The following RNF121 variants were observed in gnomAD, a reference collection of about 807,000 sequenced individuals.
RNF121 encodes the protein E3 ubiquitin ligase RNF121.
Under a neutral mutation model 46.5 loss-of-function variants are expected in RNF121, and 21 were observed. That is an observed-to-expected ratio of 0.45 (90% CI 0.32 to 0.65). The LOEUF is 0.65. RNF121 is among the 30% of genes least tolerant of loss of function. The probability of loss-of-function intolerance (pLI) is 0.04; values close to 1 mark genes in which losing one functional copy is unlikely to be tolerated. For missense variants in RNF121, 346 were observed against 416.0 expected (o/e 0.83, Z 1.46); for synonymous variants, 139 against 144.7 (o/e 0.96, Z 0.28).
intron 3 of RNF121, among the ~76,000 whole-genome samples, chr11:71,963,093 A>G (rs183099854): frequency 1.1e-4 from 16 of 152,318 alleles, no homozygotes; most frequent in Admixed American, 5.2e-4. Flanking sequence ...AGTACTTTAT[A>G]TAATCTGGAT....
At chr11:71,949,078 A>G (rs549389532) in intron 1 of RNF121, among the ~76,000 whole-genome samples, 2 of 152,330 alleles carry the variant, frequency 1.3e-5, no homozygotes, top group African/African-American at 4.8e-5. Context: ...CTGTGAATAC[A>G]TCAAGGGCAA....
chr11:71,938,528 AG>A (rs1953480087), intron 1 of RNF121: 1 of 152,166 alleles, frequency 6.6e-6, no homozygotes, highest in Non-Finnish European at 1.5e-5. Flanking sequence ...CATGTTGGTC[AG>A]GCTGGTCTCG....
At chr11:71,941,790 A>G (rs1329480292) in intron 1 of RNF121, among the ~76,000 whole-genome samples, 1 of 152,224 alleles carries the variant, frequency 6.6e-6, no homozygotes, top group East Asian at 1.9e-4. Flanking sequence ...CCTGGGACCA[A>G]AAAGAAAGCC....
chr11:71,951,028 C>T (rs1953864264), intron 1 of RNF121, among the ~76,000 whole-genome samples: 1 of 152,060 alleles, frequency 6.6e-6, no homozygotes, highest in Non-Finnish European at 1.5e-5. Context: ...AGTTTGAGAC[C>T]AGCCTGACCA....
At chr11:71,975,616 T>G (rs1241859205) in intron 3 of RNF121, among the ~76,000 whole-genome samples, 2 of 152,236 alleles carry the variant, frequency 1.3e-5, no homozygotes, top group African/African-American at 4.8e-5. Context: ...AGTAGACTTG[T>G]GTTCTTCAGG....
intron 3 of RNF121, among the ~76,000 whole-genome samples, chr11:71,968,876 TTTTC>T (rs1417348655): frequency 2.4e-5 from 3 of 122,806 alleles, no homozygotes; most frequent in African/African-American, 8.1e-5. Flanking sequence ...GATTTTTCTT[TTTTC>T]TTTCTTTCTT....
At position 71,995,501 on chromosome 11, in the gene RNF121, G is replaced by T; in HGVS notation, c.813G>T (p.Thr271=). ...RGWCIVGKKQ[T]CPYCKEKVDL... Reference sequence around the variant, plus strand: ...GGTGCATCGTGGGAAAGAAGCAAACGTGTCCCTACTGCAAAGAGAAGGTAG... The same window carrying T: ...GGTGCATCGTGGGAAAGAAGCAAACTTGTCCCTACTGCAAAGAGAAGGTAG... Residue 271 remains threonine (T), a synonymous_variant, in exon 8 of 9, where the codon ACG becomes ACT. Coordinates refer to ENST00000361756, the MANE Select transcript of RNF121 (RefSeq NM_018320.5). 6.3e-7 allele frequency: 1 copy of T among 1,596,182 alleles called. No individual in the cohort carries two copies. Among genetic ancestry groups the T allele is most frequent in the Middle Eastern group, 1.7e-4 (1 of 6,048 alleles).
intron 3 of RNF121, among the ~76,000 whole-genome samples, chr11:71,963,514 G>C (rs1954190644): frequency 1.3e-5 from 2 of 152,092 alleles, no homozygotes; most frequent in Admixed American, 1.3e-4. Flanking sequence ...CAGCTACTCG[G>C]AAGGCTGAGG....
intron 1 of RNF121, among the ~76,000 whole-genome samples, chr11:71,929,555 C>T (rs1953214384): frequency 6.6e-6 from 1 of 152,030 alleles, no homozygotes; most frequent in East Asian, 1.9e-4. Flanking sequence ...GGAAAGAGTG[C>T]TAATCCACTA....
At chr11:71,931,689 G>A (rs1441660052) in intron 1 of RNF121, among the ~76,000 whole-genome samples, 3 of 152,226 alleles carry the variant, frequency 2.0e-5, no homozygotes, top group Middle Eastern at 6.8e-3. Flanking sequence ...CTGTAATGGA[G>A]GCATGTAACA....
At chr11:71,974,926 A>G (rs1204055001) in intron 3 of RNF121, among the ~76,000 whole-genome samples, 1 of 152,242 alleles carries the variant, frequency 6.6e-6, no homozygotes. Context: ...TTCATCATCT[A>G]TTCAGAGTCT....
chr11:71,995,362 C>G (rs539964064), intron 7 of RNF121, 88 bp from the exon 8 acceptor site: 2 of 1,030,006 alleles, frequency 1.9e-6, no homozygotes, highest in Admixed American at 2.0e-5. Context: ...TGATAAAGAG[C>G]GAAGGCAGGA....
intron 1 of RNF121, among the ~76,000 whole-genome samples, chr11:71,941,930 A>ATTT (rs35553015): frequency 9.7e-5 from 10 of 102,716 alleles, no homozygotes; most frequent in Non-Finnish European, 1.7e-4. Context: ...TGTAATGAGA[A>ATTT]TTTTTTTTTT....
chr11:71,965,505 C>CA (rs754813707), intron 3 of RNF121, among the ~76,000 whole-genome samples: 12 of 152,092 alleles, frequency 7.9e-5, no homozygotes, highest in Non-Finnish European at 1.0e-4. Context: ...CTCGGCCTCC[C>CA]AAAGTGCTGG....
At chr11:71,983,522 T>C (rs1954706634) in intron 4 of RNF121, 1 of 152,256 alleles carries the variant, frequency 6.6e-6, no homozygotes, top group Non-Finnish European at 1.5e-5. Flanking sequence ...CCACTGCCTG[T>C]ATAATTCTTT....
At chr11:71,984,632 A>G (rs7938496) in intron 4 of RNF121, among the ~76,000 whole-genome samples, 140,209 of 151,684 alleles carry the variant, frequency 0.92, 65,024 homozygotes, top group Non-Finnish European at 0.98. Context: ...TCACTCTGTC[A>G]CCCAGGCTGG....
At chr11:71,984,249 T>C (rs1954720440) in intron 4 of RNF121, among the ~76,000 whole-genome samples, 1 of 152,242 alleles carries the variant, frequency 6.6e-6, no homozygotes. Context: ...AAAATATGTC[T>C]GTAATACAGA....
Position 71,964,701 on chromosome 11 carries a change from C to A in RNF121, c.243+3810C>A, listed in dbSNP as rs7121292. Among the ~76,000 whole-genome samples the A allele has an allele frequency of 5.7e-3, 863 of 152,158 alleles. 5 individuals carry two copies. The highest frequency in any genetic ancestry group is 7.1e-3 in the Non-Finnish European group (480 of 67,986). On this transcript the variant is annotated intron_variant, in intron 3 of 8. Coordinates refer to ENST00000361756, the MANE Select transcript of RNF121 (RefSeq NM_018320.5). ...GCCAGGTTGCCTAGGCTGGTCTCGC[C>A]CTCCTGAACTCAAGCAATCCGCCTG...
At chr11:71,979,406 T>C (rs1954597814) in intron 3 of RNF121, among the ~76,000 whole-genome samples, 1 of 152,144 alleles carries the variant, frequency 6.6e-6, no homozygotes, top group Non-Finnish European at 1.5e-5. Flanking sequence ...TTTTCTCCCT[T>C]TCTCTCTCTC....
Sources: gnomAD v4.1 joint callset for allele counts (sites outside exome capture counted in the v4.1 genomes callset) on GRCh38, gnomAD v4.1.1 for gene constraint, MANE v1.5 for transcripts, NCBI Gene and HGNC (gene_info 2026-07-23, HGNC 2026-07-21) for gene names.